Variants in ZMYM2 observed in about 807,000 individuals in gnomAD.
ZMYM2 encodes zinc finger MYM-type containing 2, also known as zinc finger MYM-type protein 2.
In ZMYM2, 56 loss-of-function variants were observed where a neutral mutation model predicts 162.8. The ratio of observed to expected loss-of-function variants is 0.34; its 90% confidence interval spans 0.28 to 0.43. ZMYM2 has a LOEUF of 0.43. Among genes scored for constraint, ZMYM2 ranks in the 20% least tolerant of loss-of-function variants. ZMYM2 has a pLI of 1.00. For missense variants in ZMYM2, 1,275 were observed against 1,621.8 expected (o/e 0.79, Z 3.67); for synonymous variants, 510 against 541.6 (o/e 0.94, Z 0.81).
chr13:20,007,296 C>T (rs913508610), intron 6 of ZMYM2, among the ~76,000 whole-genome samples: 3 of 151,752 alleles, frequency 2.0e-5, no homozygotes, highest in East Asian at 2.0e-4. Flanking sequence ...CCACCACACC[C>T]GGCTAATTTT....
intron 6 of ZMYM2, among the ~76,000 whole-genome samples, chr13:20,012,589 C>T (rs764877923): frequency 3.9e-5 from 6 of 152,218 alleles, no homozygotes; most frequent in Non-Finnish European, 5.9e-5. Context: ...ACAGTTTCCT[C>T]TAAGAGTTGT....
At chr13:19,890,551 T>C in the ZMYM2 span, among the ~76,000 whole-genome samples, 1 of 144,386 alleles carries the variant, frequency 6.9e-6, no homozygotes, top group South Asian at 2.2e-4. Flanking sequence ...CTGTTCGTAA[T>C]TGGGGAACGA....
the ZMYM2 span, among the ~76,000 whole-genome samples, chr13:19,942,857 A>G: frequency 1.1e-4 from 17 of 152,324 alleles, no homozygotes; most frequent in Non-Finnish European, 2.5e-4. Flanking sequence ...TAACAAATAA[A>G]TAGACAAAAA....
chr13:19,894,969 C>T, the ZMYM2 span, among the ~76,000 whole-genome samples: 7 of 142,518 alleles, frequency 4.9e-5, no homozygotes, highest in African/African-American at 1.8e-4. Context: ...GGCGCCTACT[C>T]GGGAGGCTGA....
At chr13:20,084,568 G>A (rs1401193357) in intron 24 of ZMYM2, among the ~76,000 whole-genome samples, 2 of 152,218 alleles carry the variant, frequency 1.3e-5, no homozygotes, top group East Asian at 3.9e-4. Flanking sequence ...TATGCTCAAA[G>A]GTAGTATAGA....
intron 3 of ZMYM2, among the ~76,000 whole-genome samples, chr13:19,997,596 C>T (rs1950110634): frequency 6.6e-6 from 1 of 152,012 alleles, no homozygotes; most frequent in Admixed American, 6.6e-5. Context: ...TTTTAGAAAG[C>T]TCTTAGCAAT....
the ZMYM2 span, among the ~76,000 whole-genome samples, chr13:19,943,785 A>G: frequency 6.6e-6 from 1 of 152,202 alleles, no homozygotes; most frequent in African/African-American, 2.4e-5. Context: ...CAGTTGGTAT[A>G]TGTGCCCAAG....
intron 24 of ZMYM2, among the ~76,000 whole-genome samples, chr13:20,085,523 C>G (rs546148566): frequency 6.6e-6 from 1 of 152,126 alleles, no homozygotes; most frequent in Non-Finnish European, 1.5e-5. Context: ...TAAATTGTTG[C>G]ATCTTGAAAT....
intron 4 of ZMYM2, among the ~76,000 whole-genome samples, chr13:20,003,359 A>G (rs952446209): frequency 1.3e-5 from 2 of 152,320 alleles, no homozygotes; most frequent in African/African-American, 4.8e-5. Context: ...TTTTGTAACA[A>G]TACATACTTA....
chr13:20,042,351 A>G (rs1364810432), intron 12 of ZMYM2, among the ~76,000 whole-genome samples: 1 of 151,970 alleles, frequency 6.6e-6, no homozygotes, highest in Non-Finnish European at 1.5e-5. Flanking sequence ...CTATTTTGCT[A>G]TTAATACTTA....
At chr13:19,983,435 C>A (rs1254105038) in intron 2 of ZMYM2, among the ~76,000 whole-genome samples, 1 of 151,942 alleles carries the variant, frequency 6.6e-6, no homozygotes, top group Non-Finnish European at 1.5e-5. Flanking sequence ...CATGAGCCAC[C>A]GTGCCCGGCC....
In ZMYM2 at chr13:20,034,389, C is replaced by A; in HGVS notation, c.2104C>A (p.Pro702Thr). The A allele has an allele frequency of 6.3e-7, 1 of 1,596,104 alleles. No homozygotes were observed. The highest frequency in any genetic ancestry group is 8.5e-7 in the Non-Finnish European group (1 of 1,173,408). The change falls in exon 11 of 25, where the codon CCT becomes ACT. Residue 702 changes from proline to threonine, a missense_variant. By Grantham distance (38) the Pro-to-Thr change is conservative (BLOSUM62 -1). Transcript: ENST00000610343. ...AGTAAATTTCTCTGGCGTTAAGAGA[C>A]CTTTCTGTAGTGAAGGCAAGTTGCA... ...ETVNFSGVKR[P>T]FCSEGCKLLY...
At chr13:19,982,127 G>A (rs1193947004) in intron 2 of ZMYM2, among the ~76,000 whole-genome samples, 1 of 152,138 alleles carries the variant, frequency 6.6e-6, no homozygotes, top group African/African-American at 2.4e-5. Flanking sequence ...CTGAAATAAA[G>A]AGCTTGCACC....
chr13:20,020,155 T>C (rs1434169558), intron 7 of ZMYM2, among the ~76,000 whole-genome samples: 1 of 152,228 alleles, frequency 6.6e-6, no homozygotes, highest in Non-Finnish European at 1.5e-5. Context: ...TGTCTGTTAA[T>C]GTCCCTTACA....
chr13:19,981,671 C>T (rs1488735064), intron 2 of ZMYM2, among the ~76,000 whole-genome samples: 1 of 152,122 alleles, frequency 6.6e-6, no homozygotes, highest in Non-Finnish European at 1.5e-5. Context: ...TCCTAGCATT[C>T]CGTTCATTTT....
chr13:19,889,220 C>T, the ZMYM2 span, among the ~76,000 whole-genome samples: 1 of 151,940 alleles, frequency 6.6e-6, no homozygotes, highest in Non-Finnish European at 1.5e-5. Context: ...ACTGGAGATA[C>T]CTTGCGCCAA....
chr13:20,069,142 T>C (rs1956897373), intron 21 of ZMYM2, among the ~76,000 whole-genome samples: 2 of 152,230 alleles, frequency 1.3e-5, no homozygotes, highest in African/African-American at 4.8e-5. Flanking sequence ...TTCTAGTAGG[T>C]GGTCTTGTTT....
chr13:20,005,720 T>C (rs1950690217), intron 5 of ZMYM2, among the ~76,000 whole-genome samples: 1 of 152,190 alleles, frequency 6.6e-6, no homozygotes, highest in Non-Finnish European at 1.5e-5. Flanking sequence ...GGTTCTCCCC[T>C]CCTCATTTTT....
chr13:19,884,250 A>G, the ZMYM2 span, among the ~76,000 whole-genome samples: 2 of 152,056 alleles, frequency 1.3e-5, no homozygotes, highest in Non-Finnish European at 2.9e-5. Flanking sequence ...TGTGTCCAGT[A>G]TTTATCCCTT....
Sources: gnomAD v4.1 joint callset for allele counts (sites outside exome capture counted in the v4.1 genomes callset) on GRCh38, gnomAD v4.1.1 for gene constraint, MANE v1.5 for transcripts, NCBI Gene and HGNC (gene_info 2026-07-23, HGNC 2026-07-21) for gene names.